Variants in EHHADH observed in about 807,000 individuals in gnomAD.
EHHADH encodes peroxisomal bifunctional enzyme.
Under a neutral mutation model 64.4 loss-of-function variants are expected in EHHADH, and 48 were observed. The observed-to-expected ratio is 0.75, with a 90% CI of 0.59 to 0.95. EHHADH has a LOEUF of 0.95. Ranked by LOEUF, EHHADH falls within the 40% of genes least tolerant of loss-of-function variation. EHHADH has a pLI of 0.00. For synonymous variants in EHHADH, 308 were observed against 326.7 expected (o/e 0.94, Z 0.62); for missense variants, 854 against 876.6 (o/e 0.97, Z 0.33).
intron 5 of EHHADH, among the ~76,000 whole-genome samples, chr3:185,205,160 T>C (rs1486410335): frequency 6.6e-6 from 1 of 151,966 alleles, no homozygotes; most frequent in Non-Finnish European, 1.5e-5. Context: ...ATTTTATTTA[T>C]TAATTTTTAA....
chr3:185,246,681 T>C (rs1385925786), intron 2 of EHHADH, among the ~76,000 whole-genome samples: 2 of 152,202 alleles, frequency 1.3e-5, no homozygotes, highest in Non-Finnish European at 2.9e-5. Context: ...GTTTGTCAAT[T>C]GTATTAGTCT....
intron 4 of EHHADH, among the ~76,000 whole-genome samples, chr3:185,227,588 G>A (rs1719014332): frequency 6.6e-6 from 1 of 152,082 alleles, no homozygotes; most frequent in Non-Finnish European, 1.5e-5. Flanking sequence ...CACTTTGGGA[G>A]GCCGAGGCAG....
intron 6 of EHHADH, among the ~76,000 whole-genome samples, chr3:185,198,541 T>C (rs1190387018): frequency 6.6e-6 from 1 of 151,708 alleles, no homozygotes; most frequent in African/African-American, 2.4e-5. Context: ...CATTTTACAT[T>C]GAATCGCTTT....
At chr3:185,208,282 T>C (rs999506827) in intron 5 of EHHADH, among the ~76,000 whole-genome samples, 1 of 152,174 alleles carries the variant, frequency 6.6e-6, no homozygotes, top group African/African-American at 2.4e-5. Context: ...CAACAACCGC[T>C]TGAGTGAGTT....
At chr3:185,222,711 G>A (rs1047728947) in intron 4 of EHHADH, among the ~76,000 whole-genome samples, 1 of 152,042 alleles carries the variant, frequency 6.6e-6, no homozygotes, top group Non-Finnish European at 1.5e-5. Context: ...TTATTATTAC[G>A]AAAATAGATC....
chr3:185,201,832 C>A (rs1718236948), intron 6 of EHHADH, among the ~76,000 whole-genome samples: 1 of 152,182 alleles, frequency 6.6e-6, no homozygotes, highest in Admixed American at 6.5e-5. Flanking sequence ...ATCGGGAAAT[C>A]CTCTCAAACA....
At chr3:185,202,817 C>T (rs1718266850) in intron 6 of EHHADH, among the ~76,000 whole-genome samples, 1 of 152,108 alleles carries the variant, frequency 6.6e-6, no homozygotes, top group Non-Finnish European at 1.5e-5. Context: ...AAACTGGTCC[C>T]TGGTGCCAAA....
rs1718321607 is a variant in EHHADH at position 185,204,417 on chromosome 3, A to G, written c.909T>C (p.Val303=). 2 of 1,598,706 alleles carry G rather than the reference A, an allele frequency of 1.3e-6. No homozygotes were observed. Among genetic ancestry groups the G allele is most frequent in the Admixed American group, 3.4e-5 (2 of 59,494 alleles). Residue 303 remains valine (V), a splice_region_variant and synonymous_variant, in exon 6 of 7, where the codon GTT becomes GTC. Transcript: ENST00000231887. ...SARPVSSVGV[V]GLGTMGRGIV... ...CCATTCATTACCCCATGGTCTTACC[A>G]ACAACACCAACTGAGGAGACAGGCC...
intron 2 of EHHADH, among the ~76,000 whole-genome samples, chr3:185,239,102 G>A (rs4574272): frequency 1.9e-3 from 293 of 152,018 alleles, no homozygotes; most frequent in African/African-American, 6.5e-3. Context: ...GTAGGTATGC[G>A]GTTTTATTTC....
chr3:185,229,003 C>T (rs1320543462), intron 4 of EHHADH, among the ~76,000 whole-genome samples: 1 of 152,012 alleles, frequency 6.6e-6, no homozygotes, highest in African/African-American at 2.4e-5. Context: ...TGGGGTTTCA[C>T]CATGCTGGTT....
intron 1 of EHHADH, among the ~76,000 whole-genome samples, chr3:185,250,967 T>C (rs1719728574): frequency 1.3e-5 from 2 of 152,330 alleles, no homozygotes; most frequent in Non-Finnish European, 2.9e-5. Context: ...TCTTCCTTTT[T>C]TATGTTCATA....
At chr3:185,244,048 T>C (rs914798263) in intron 2 of EHHADH, among the ~76,000 whole-genome samples, 1 of 152,234 alleles carries the variant, frequency 6.6e-6, no homozygotes, top group Non-Finnish European at 1.5e-5. Flanking sequence ...GGGATGCATA[T>C]ATATTTAAGA....
At chr3:185,240,411 G>T (rs1263867738) in intron 2 of EHHADH, among the ~76,000 whole-genome samples, 1 of 149,732 alleles carries the variant, frequency 6.7e-6, no homozygotes, top group East Asian at 1.9e-4. Flanking sequence ...GTTTTTTTTG[G>T]TCAAAAAATT....
intron 4 of EHHADH, 25 bp downstream of exon 4, chr3:185,229,407 A>C: frequency 7.4e-7 from 1 of 1,350,744 alleles, no homozygotes; most frequent in Non-Finnish European, 9.8e-7. Flanking sequence ...TAATCTAGAC[A>C]GTTGTTGCCA....
chr3:185,253,172 G>T (rs1719794845), intron 1 of EHHADH: 2 of 150,164 alleles, frequency 1.3e-5, no homozygotes, highest in Admixed American at 1.4e-4. Flanking sequence ...ATAATTTTGC[G>T]TTTCCGGGCC....
Position 185,254,028 on chromosome 3 carries a change from C to A in EHHADH, c.-6G>T. 6.2e-7 allele frequency: 1 copy of A among 1,613,586 alleles called. No individual in the cohort carries two copies. The highest frequency in any genetic ancestry group is 8.5e-7 in the Non-Finnish European group (1 of 1,179,660). ...AGCCGCGTATACTCGGCCATGTTTC[C>A]TCTATCACCGAGGGCACCTCTGCCT... On this transcript the variant is annotated 5_prime_UTR_variant, in exon 1 of 7. In the 5' UTR this introduces an upstream ATG that the reference lacks. Transcript: ENST00000231887.
At position 185,204,373 on chromosome 3, in the gene EHHADH, T is replaced by C. The variant is rs2108629446; in HGVS notation, c.910+43A>G. On this transcript the variant is annotated intron_variant, in intron 6 of 6. Transcript: ENST00000231887. ...CCTAAGCAAATGGTAGCACATTACA[T>C]GAGCAGATTTGGAGGATTCCATTCA... The C allele has an allele frequency of 2.6e-6, 4 of 1,526,698 alleles. No homozygotes were observed. In the African/African-American group the frequency reaches 4.1e-5, roughly 16 times the overall value. The allele number at this position is 1,526,698 out of a possible 1,614,324, so 94.6% of individuals were successfully genotyped here.
chr3:185,206,286 A>T (rs576456164), intron 5 of EHHADH, among the ~76,000 whole-genome samples: 37 of 117,650 alleles, frequency 3.1e-4, no homozygotes, highest in Non-Finnish European at 4.3e-4. Context: ...AAAACAATAA[A>T]AAAAAAAAAA....
intron 2 of EHHADH, chr3:185,246,148 T>A: frequency 8.6e-7 from 1 of 1,158,268 alleles, no homozygotes; most frequent in Non-Finnish European, 1.3e-6. Flanking sequence ...AATCTTAAGA[T>A]CCTTTACAAC....
Sources: gnomAD v4.1 joint callset for allele counts (sites outside exome capture counted in the v4.1 genomes callset) on GRCh38, gnomAD v4.1.1 for gene constraint, MANE v1.5 for transcripts, NCBI Gene and HGNC (gene_info 2026-07-23, HGNC 2026-07-21) for gene names.